Variants in DFFB observed in about 807,000 individuals in gnomAD.
DFFB encodes the protein DNA fragmentation factor subunit beta.
Under a neutral mutation model 32.7 loss-of-function variants are expected in DFFB, and 29 were observed. The ratio of observed to expected loss-of-function variants is 0.89; its 90% CI spans 0.66 to 1.21. The LOEUF is 1.21. Ranked by LOEUF, DFFB falls within the 50% of genes most tolerant of loss-of-function variation. The pLI, the probability that DFFB is intolerant of heterozygous loss-of-function variation, is 0.00. For missense variants in DFFB, 398 were observed against 440.6 expected, an observed-to-expected ratio of 0.90 and a Z score of 0.87; for synonymous variants, 170 against 177.1, an observed-to-expected ratio of 0.96 and a Z score of 0.32.
At chr1:3,881,509 G>A (rs80228892) in intron 6 of DFFB, among the ~76,000 whole-genome samples, 1 of 152,192 alleles carries the variant, frequency 6.6e-6, no homozygotes, top group Admixed American at 6.5e-5. Flanking sequence ...TAGCTTGCCT[G>A]TGTGCACTAA....
chr1:3,860,486 C>T, intron 2 of DFFB: 1 of 439,550 alleles, frequency 2.3e-6, no homozygotes, highest in South Asian at 1.6e-5. Context: ...GCCTTGGTCT[C>T]CTAAAGTGCT....
At chr1:3,864,739 A>G (rs2124733306) in intron 2 of DFFB, among the ~76,000 whole-genome samples, 1 of 151,112 alleles carries the variant, frequency 6.6e-6, no homozygotes, top group Non-Finnish European at 1.5e-5. Context: ...TTTTTTTTAG[A>G]GATGGGGTCT....
rs751994951 is a variant in DFFB, at chr1:3,872,466, C to T, written c.682-6C>T. 6.2e-6 allele frequency: 10 copies of T among 1,612,748 alleles called. No homozygotes were observed. In the South Asian group the frequency reaches 9.9e-5, roughly 16 times the overall value. The stretch of plus-strand genomic sequence containing the variant: ...TGGCCTTCCCTCATTGTCTTTTGGC[C>T]CCCAGGGTCCCTTTGACATGGACAG... On this transcript the variant is annotated splice_polypyrimidine_tract_variant and splice_region_variant and intron_variant, in intron 5 of 6. Transcript: ENST00000378209.
In DFFB at chr1:3,865,962, C is replaced by T. The variant is rs1041052283; in HGVS notation, c.392C>T (p.Ala131Val). The T allele has an allele frequency of 2.3e-5, 36 of 1,587,388 alleles. No individual in the cohort carries two copies. Among genetic ancestry groups the T allele is most frequent in the East Asian group, 9.0e-5 (4 of 44,502 alleles). The change falls in exon 3 of 7, where the codon GCG (alanine) becomes GTG (valine). Residue 131 changes from alanine to valine, a missense_variant. Transcript: ENST00000378209. The surrounding 1 kb of genome is among the most constrained non-coding windows in gnomAD (Gnocchi z 4.7). ...CTGCACAACGTCAGCCAGAACATCG[C>T]GGCCGAGACCCGGGCTGAGGACCCG... ...DLLHNVSQNI[A>V]AETRAEDPPW...
chr1:3,872,728 C>T (rs1476315871), intron 6 of DFFB, among the ~76,000 whole-genome samples, 156 bp downstream of exon 6: 1 of 152,166 alleles, frequency 6.6e-6, no homozygotes, highest in Non-Finnish European at 1.5e-5. Flanking sequence ...TGTTACAGCC[C>T]AGGGAAGGGG....
intron 6 of DFFB, among the ~76,000 whole-genome samples, chr1:3,882,339 C>G (rs1006763764): frequency 2.0e-5 from 3 of 152,022 alleles, no homozygotes; most frequent in African/African-American, 4.8e-5. Flanking sequence ...CAGACGTGAG[C>G]CACCACGCCT....
At chr1:3,870,312 A>C (rs951715130) in intron 5 of DFFB, among the ~76,000 whole-genome samples, 2 of 152,168 alleles carry the variant, frequency 1.3e-5, no homozygotes, top group Non-Finnish European at 2.9e-5. Flanking sequence ...CTGCAGTTGC[A>C]TTCCCGGTAA....
rs138080227 is a variant in DFFB at position 3,869,583 on chromosome 1, C to T, written c.511-22C>T. The T allele has an allele frequency of 3.6e-4, 575 of 1,595,042 alleles. 2 individuals carry two copies. In the African/African-American group the frequency reaches 6.6e-3, roughly 18 times the overall value. On this transcript the variant is annotated intron_variant, in intron 4 of 6. Transcript: ENST00000378209. ...TTGGGGCGCTGTGCACCAGGCTCAC[C>T]GACGTTCCTTGGTTCCTCCAGGTGA... is the stretch of plus-strand genomic sequence containing the variant.
At chr1:3,876,505 G>A (rs959874315) in intron 6 of DFFB, among the ~76,000 whole-genome samples, 3 of 152,214 alleles carry the variant, frequency 2.0e-5, no homozygotes, top group African/African-American at 4.8e-5. Flanking sequence ...ACCGGTCTTC[G>A]GAAAGTTGCA....
chr1:3,878,898 A>G (rs945232694), intron 6 of DFFB, among the ~76,000 whole-genome samples: 4 of 152,250 alleles, frequency 2.6e-5, no homozygotes, highest in African/African-American at 4.8e-5. Context: ...TGTAGCCCTT[A>G]GTGTTTCTTC....
Position 3,865,232 on chromosome 1 carries a change from G to T in DFFB, c.242-580G>T, listed in dbSNP as rs1437071924. Among the ~76,000 whole-genome samples the T allele has an allele frequency of 6.6e-6, 1 of 152,148 alleles. No homozygotes were observed. Among genetic ancestry groups the T allele is most frequent in the Non-Finnish European group, 1.5e-5 (1 of 68,030 alleles). The stretch of plus-strand genomic sequence containing the variant: ...CTTCTTCTGACCCACTGATGTGATC[G>T]TGAGGCTTTTCTCATATGGTGGATC... On this transcript the variant is annotated intron_variant, in intron 2 of 6. Transcript: ENST00000378209. This position sits in a 1 kb window ranked among gnomAD's most constrained non-coding sequence, Gnocchi z 4.7.
intron 2 of DFFB, 153 bp downstream of exon 2, chr1:3,858,997 C>A: frequency 8.8e-7 from 1 of 1,131,246 alleles, no homozygotes; most frequent in Non-Finnish European, 1.2e-6. Flanking sequence ...CAGAACTGGT[C>A]AGCGTCGCTT....
rs11806647 is a variant in DFFB at position 3,868,718 on chromosome 1, C to T, written c.510+665C>T. Among the ~76,000 whole-genome samples the T allele has an allele frequency of 7.9e-3, 1,098 of 138,128 alleles. 108 individuals carry two copies. The highest frequency in any genetic ancestry group is 0.036 in the African/African-American group (1,038 of 28,478). 90.6% of individuals were successfully genotyped at this position (138,128 alleles called of 152,430 possible). On this transcript the variant is annotated intron_variant, in intron 4 of 6. Coordinates refer to ENST00000378209, the MANE Select transcript of DFFB (RefSeq NM_004402.4). ...GGCCACACCACACCAGGCCACACCA[C>T]GTCATTCCACACCATGCCACACCGC... is the stretch of plus-strand genomic sequence containing the variant.
At chr1:3,882,640 C>T (rs1645363242) in intron 6 of DFFB, among the ~76,000 whole-genome samples, 1 of 152,188 alleles carries the variant, frequency 6.6e-6, no homozygotes, top group African/African-American at 2.4e-5. Context: ...GCTGGGATTA[C>T]AGGTGTGAGC....
intron 5 of DFFB, among the ~76,000 whole-genome samples, chr1:3,871,092 G>C (rs1645103754): frequency 6.6e-6 from 1 of 152,072 alleles, no homozygotes; most frequent in African/African-American, 2.4e-5. Flanking sequence ...TGGGACATGG[G>C]TCCTTGCTTC....
At position 3,865,664 on chromosome 1, in the gene DFFB, C is replaced by T. The variant is rs116511010; in HGVS notation, c.242-148C>T. ...CCAGCTGTTGGTGTCAGGGCAAGGA[C>T]AAAGACCCGGGACACCTCAAGTCTG... On this transcript the variant is annotated intron_variant, in intron 2 of 6. Transcript: ENST00000378209. This position sits in a 1 kb window ranked among gnomAD's most constrained non-coding sequence, Gnocchi z 4.7. The T allele has an allele frequency of 5.2e-4, 674 of 1,285,326 alleles. 2 individuals carry two copies. The African/African-American group carries it at 8.4e-3, about 16-fold the overall frequency. The allele number at this position is 1,285,326 out of a possible 1,614,324, so 79.6% of individuals were successfully genotyped here.
intron 2 of DFFB, among the ~76,000 whole-genome samples, chr1:3,859,839 G>T (rs868084515): frequency 2.6e-5 from 4 of 152,202 alleles, no homozygotes; most frequent in Non-Finnish European, 4.4e-5. Flanking sequence ...CTCAGGGTAT[G>T]CCTCACCTTT....
Position 3,865,931 on chromosome 1 carries a change from G to T in DFFB, c.361G>T (p.Asp121Tyr). The part of the protein sequence containing the change: ...QAPQRQRLLA[D>Y]LLHNVSQNIA... ...CCCACAGAGGCAGAGGCTGCTGGCT[G>T]ACCTCCTGCACAACGTCAGCCAGAA... The change falls in exon 3 of 7, where the codon GAC becomes TAC. Residue 121 changes from aspartate to tyrosine, a missense_variant. Coordinates refer to ENST00000378209, the MANE Select transcript of DFFB (RefSeq NM_004402.4). The surrounding 1 kb of genome is among the most constrained non-coding windows in gnomAD (Gnocchi z 4.7). 6.2e-7 allele frequency: 1 copy of T among 1,609,650 alleles called. No individual in the cohort carries two copies. The highest frequency in any genetic ancestry group is 1.1e-5 in the South Asian group (1 of 90,818).
intron 1 of DFFB, 135 bp from the exon 2 acceptor site, chr1:3,858,583 C>T: frequency 9.0e-7 from 1 of 1,112,200 alleles, no homozygotes; most frequent in Middle Eastern, 2.1e-4. Flanking sequence ...GGCGTTGGAG[C>T]GACTGTGGCA....
Sources: allele counts gnomAD v4.1 joint callset (sites outside exome capture counted in the v4.1 genomes callset), GRCh38; gene constraint gnomAD v4.1.1; non-coding constraint Gnocchi (gnomAD v3.1); transcripts MANE v1.5; gene names NCBI Gene and HGNC (gene_info 2026-07-23, HGNC 2026-07-21).